C3orf22: variants seen among roughly 807,000 people sequenced by gnomAD.
C3orf22 encodes the protein uncharacterized protein C3orf22.
C3orf22 carries 7 observed loss-of-function variants against 10.8 expected under a neutral mutation model. That is an observed-to-expected ratio of 0.65 (90% CI 0.37 to 1.22). C3orf22 has a LOEUF of 1.22. Ranked by LOEUF, C3orf22 falls within the 50% of genes most tolerant of loss-of-function variation. The pLI is 0.02. For synonymous variants in C3orf22, 79 were observed against 78.9 expected (o/e 1.00, Z 0.00); for missense variants, 173 against 177.0 (o/e 0.98, Z 0.13).
intron 4 of C3orf22, among the ~76,000 whole-genome samples, chr3:126,532,943 G>A (rs1163731527): frequency 2.0e-5 from 3 of 152,116 alleles, no homozygotes; most frequent in East Asian, 1.9e-4. Flanking sequence ...TTCTTTCAAC[G>A]ATGTCTCATG....
intron 4 of C3orf22, among the ~76,000 whole-genome samples, chr3:126,533,380 G>C (rs1249175410): frequency 6.6e-6 from 1 of 152,126 alleles, no homozygotes; most frequent in East Asian, 1.9e-4. Context: ...CCCTTTATCA[G>C]TTTGGCAAAG....
At chr3:126,543,071 G>C (rs1196622953) in intron 4 of C3orf22, 2 of 152,326 alleles carry the variant, frequency 1.3e-5, no homozygotes, top group East Asian at 3.9e-4. Flanking sequence ...GCCGTCCCGG[G>C]AGCCAGGTGG....
In C3orf22 at chr3:126,550,027, T is replaced by A; in HGVS notation, c.267A>T (p.Leu89=). The change falls in exon 4 of 4, where the codon CTA becomes CTT. Residue 89 remains leucine, a synonymous_variant. Coordinates refer to ENST00000318225, the MANE Select transcript of C3orf22 (RefSeq NM_152533.3). ...ACAGTGGAGGTGGTGATGGTGCTGGTAGTGGTGCCGGGCAGGAGCCAGACG... is the reference window on the plus strand; with the variant it reads ...ACAGTGGAGGTGGTGATGGTGCTGGAAGTGGTGCCGGGCAGGAGCCAGACG... ...TSPSGSCPAP[L]PAPSPPPLCN... is the part of the protein sequence containing the mutation. The A allele has an allele frequency of 6.2e-7, 1 of 1,613,990 alleles. No individual in the cohort carries two copies.
intron 2 of C3orf22, among the ~76,000 whole-genome samples, chr3:126,552,982 C>A (rs9863024): frequency 1.3e-5 from 2 of 152,182 alleles, no homozygotes; most frequent in East Asian, 3.9e-4. Context: ...CAATGGGTGC[C>A]CAGCACACCA....
chr3:126,538,285 G>A (rs1443486778), intron 4 of C3orf22, among the ~76,000 whole-genome samples: 1 of 152,264 alleles, frequency 6.6e-6, no homozygotes, highest in Non-Finnish European at 1.5e-5. Context: ...CATAGAGCTG[G>A]CCTCCTGACT....
chr3:126,542,556 C>A, intron 4 of C3orf22: 2 of 1,506,862 alleles, frequency 1.3e-6, no homozygotes, highest in South Asian at 1.3e-5. Context: ...TACTCCGCCC[C>A]CTCCTACCTG....
chr3:126,536,920 CA>C (rs1294410153), intron 4 of C3orf22, among the ~76,000 whole-genome samples: 1,679 of 151,476 alleles, frequency 0.011, 18 homozygotes, highest in African/African-American at 0.038. Flanking sequence ...CACACACACA[CA>C]CACCCCACAC....
intron 4 of C3orf22, among the ~76,000 whole-genome samples, chr3:126,536,051 G>T (rs982153756): frequency 6.6e-6 from 1 of 152,136 alleles, no homozygotes; most frequent in African/African-American, 2.4e-5. Context: ...GGTAGGACAT[G>T]GGAGCAGGAA....
chr3:126,539,200 T>TTC (rs1252681906), intron 4 of C3orf22, among the ~76,000 whole-genome samples: 4 of 152,176 alleles, frequency 2.6e-5, no homozygotes, highest in Non-Finnish European at 5.9e-5. Flanking sequence ...CTGGGATGAC[T>TTC]GCGAAGCCAG....
chr3:126,535,023 CCAGGAGACACACAGCA>C, intron 4 of C3orf22, among the ~76,000 whole-genome samples: 1 of 137,208 alleles, frequency 7.3e-6, no homozygotes, highest in Non-Finnish European at 1.6e-5. Context: ...CTGTCCTCAG[CCAGGAGACACACAGCA>C]TCGCTGTCCT....
At chr3:126,529,271 G>C (rs1192795327) in exon 5 of C3orf22, 2 of 1,244,034 alleles carry the variant, frequency 1.6e-6, no homozygotes. Context: ...GACGTGTGCG[G>C]GTGTCCTGTG....
At position 126,556,867 on chromosome 3, in the gene C3orf22, TACAC is replaced by T. The variant is rs369889567; in HGVS notation, c.-41+1756_-41+1759del. ...GACACCCCCCACACACAGACTCACATACACACACACACACAGACTCACACACATG... is the reference window on the plus strand; with the variant it reads ...GACACCCCCCACACACAGACTCACATACACACACACAGACTCACACACATG... On this transcript the variant is annotated intron_variant, in intron 1 of 3. Transcript: ENST00000318225. Among the ~76,000 whole-genome samples, 495 of 131,034 alleles carry T rather than the reference TACAC, an allele frequency of 3.8e-3. 5 individuals carry two copies. Among genetic ancestry groups the T allele is most frequent in the African/African-American group, 0.014 (465 of 34,240 alleles). The allele number at this position is 131,034 out of a possible 152,430, so 86.0% of individuals were successfully genotyped here.
downstream of C3orf22, among the ~76,000 whole-genome samples, chr3:126,548,556 G>C (rs1292739470): frequency 6.6e-6 from 1 of 152,220 alleles, no homozygotes; most frequent in African/African-American, 2.4e-5. Flanking sequence ...ACCCTCACAG[G>C]AAGGGACCCC....
Position 126,530,258 on chromosome 3 carries a change from C to T in C3orf22, c.287-886G>A, listed in dbSNP as rs1204708776. On this transcript the variant is annotated intron_variant and NMD_transcript_variant, in intron 4 of 5. Transcript: ENST00000505070. ...CACTGGCCACAGCTATTCTGAGCCT[C>T]TCTCTGGTACCTGCTCCCTTTTCCC... 3.3e-5 allele frequency among the ~76,000 whole-genome samples: 5 copies of T among 152,370 alleles called. No homozygotes were observed. In the South Asian group the frequency reaches 8.3e-4, roughly 25 times the overall value.
At chr3:126,553,696 C>T (rs987733986) in intron 1 of C3orf22, among the ~76,000 whole-genome samples, 1 of 152,228 alleles carries the variant, frequency 6.6e-6, no homozygotes, top group African/African-American at 2.4e-5. Flanking sequence ...GTTCCCCAAC[C>T]CTGGCAGCCA....
chr3:126,537,490 A>C (rs930680465), intron 4 of C3orf22, among the ~76,000 whole-genome samples: 2 of 152,168 alleles, frequency 1.3e-5, no homozygotes, highest in South Asian at 2.1e-4. Flanking sequence ...CTGCTCCCCA[A>C]ATCCTGAGGG....
chr3:126,533,363 G>A (rs1180382066), intron 4 of C3orf22, among the ~76,000 whole-genome samples: 1 of 152,106 alleles, frequency 6.6e-6, no homozygotes. Flanking sequence ...AGGGTTTTTC[G>A]TTGATGCCCT....
intron 4 of C3orf22, among the ~76,000 whole-genome samples, chr3:126,533,594 A>C (rs571502243): frequency 2.0e-5 from 3 of 152,254 alleles, no homozygotes; most frequent in Admixed American, 6.5e-5. Context: ...TGGTGTATAA[A>C]CTTTTTCATA....
chr3:126,548,014 T>A (rs1272831525), downstream of C3orf22, among the ~76,000 whole-genome samples: 2 of 152,162 alleles, frequency 1.3e-5, no homozygotes, highest in Non-Finnish European at 2.9e-5. Flanking sequence ...CTTATATAAT[T>A]GAAAAAAGCA....
Sources: gnomAD v4.1 joint callset for allele counts (sites outside exome capture counted in the v4.1 genomes callset) on GRCh38, gnomAD v4.1.1 for gene constraint, MANE v1.5 for transcripts, NCBI Gene and HGNC (gene_info 2026-07-23, HGNC 2026-07-21) for gene names.